The following SREBF2 variants were observed in gnomAD, a reference collection of about 807,000 sequenced individuals.
SREBF2 encodes the protein sterol regulatory element binding transcription factor 2, also known as sterol regulatory element-binding protein 2.
SREBF2 carries 55 observed loss-of-function variants against 113.1 expected under a neutral mutation model. The observed-to-expected ratio is 0.49, with a 90% CI of 0.39 to 0.61. SREBF2 has a LOEUF of 0.61. Among genes scored for constraint, SREBF2 ranks in the 20% least tolerant of loss-of-function variants. SREBF2 has a pLI of 0.00. For synonymous variants in SREBF2, 593 were observed against 605.7 expected, an observed-to-expected ratio of 0.98 and a Z score of 0.31; for missense variants, 1,349 against 1,487.4, an observed-to-expected ratio of 0.91 and a Z score of 1.53.
intron 14 of SREBF2, among the ~76,000 whole-genome samples, chr22:41,898,438 C>T (rs1318097917): frequency 1.3e-5 from 2 of 152,182 alleles, no homozygotes; most frequent in African/African-American, 4.8e-5. Context: ...ATTTTTAAGG[C>T]TCTTGATATA....
intron 18 of SREBF2, 117 bp downstream of exon 18, chr22:41,905,091 C>A: frequency 9.9e-7 from 1 of 1,010,132 alleles, no homozygotes; most frequent in Non-Finnish European, 1.5e-6. Context: ...ACACCTCTCG[C>A]CTCTCTGAGA....
At chr22:41,869,069 T>C (rs2077114596) in intron 3 of SREBF2, among the ~76,000 whole-genome samples, 1 of 152,196 alleles carries the variant, frequency 6.6e-6, no homozygotes, top group African/African-American at 2.4e-5. Flanking sequence ...ATTTCCCAGA[T>C]AATTTTCTTT....
chr22:41,872,212 T>A (rs529566038), intron 4 of SREBF2, among the ~76,000 whole-genome samples: 1 of 147,284 alleles, frequency 6.8e-6, no homozygotes, highest in African/African-American at 2.5e-5. Flanking sequence ...ATTGCGCCAC[T>A]GCACTCCAGC....
At chr22:41,903,924 CG>C (rs1177714436) in intron 17 of SREBF2, among the ~76,000 whole-genome samples, 4 of 152,204 alleles carry the variant, frequency 2.6e-5, no homozygotes, top group Admixed American at 2.6e-4. Flanking sequence ...ACAGTATCAT[CG>C]GAGAGCCATT....
Position 41,903,145 on chromosome 22 carries a change from C to T in SREBF2, c.3083C>T (p.Ala1028Val), listed in dbSNP as rs2148422185. ...AGGCTGGCACACAGCTTCCGCCCAG[C>T]ATACCGCAAGGTGAGGCCCAGCTGG... ...LRRLAHSFRP[A>V]YRKVFLHEAT... Residue 1028 changes from alanine (A) to valine (V), a missense_variant, in exon 17 of 19, where the codon GCA (alanine) becomes GTA (valine). Coordinates refer to ENST00000361204, the MANE Select transcript of SREBF2 (RefSeq NM_004599.4). 1 of 1,552,846 alleles carries T rather than the reference C, an allele frequency of 6.4e-7. No individual in the cohort carries two copies. Among genetic ancestry groups the T allele is most frequent in the Non-Finnish European group, 8.7e-7 (1 of 1,148,466 alleles).
At chr22:41,905,366 G>A in intron 18 of SREBF2, 74 bp from the exon 19 acceptor site, 2 of 1,383,148 alleles carry the variant, frequency 1.4e-6, no homozygotes, top group Admixed American at 2.0e-5. Flanking sequence ...CAGTGAATGA[G>A]TCCAGGTAAC....
At position 41,874,189 on chromosome 22, in the gene SREBF2, A is replaced by G. The variant is rs1173545891; in HGVS notation, c.1089+170A>G. On this transcript the variant is annotated intron_variant, in intron 5 of 18. Transcript: ENST00000361204. ...TCATGTCAAGATTATAAAATATTAAAAAACATAAGGGACTGGTGAGGGTTG... is the reference window on the plus strand; with the variant it reads ...TCATGTCAAGATTATAAAATATTAAGAAACATAAGGGACTGGTGAGGGTTG... Among the ~76,000 whole-genome samples the G allele has an allele frequency of 3.9e-5, 6 of 152,270 alleles. No homozygotes were observed. In the South Asian group the frequency reaches 1.0e-3, roughly 26 times the overall value.
intron 11 of SREBF2, 96 bp from the exon 12 acceptor site, chr22:41,893,021 A>G (rs1176324314): frequency 1.2e-5 from 18 of 1,467,878 alleles, no homozygotes; most frequent in Admixed American, 1.7e-5. Flanking sequence ...GTCTCCCCCA[A>G]AGCCCACCTC....
intron 10 of SREBF2, among the ~76,000 whole-genome samples, chr22:41,883,435 A>C (rs2077268758): frequency 6.6e-6 from 1 of 152,178 alleles, no homozygotes; most frequent in Admixed American, 6.5e-5. Flanking sequence ...CCCTATCTGC[A>C]AATTTGCCCC....
rs1321579166 is a variant in SREBF2 at position 41,900,445 on chromosome 22, C to T, written c.2854C>T (p.Leu952=). 1 of 1,613,904 alleles carries T rather than the reference C, an allele frequency of 6.2e-7. No homozygotes were observed. The highest frequency in any genetic ancestry group is 8.5e-7 in the Non-Finnish European group (1 of 1,180,040). The part of the protein sequence containing the change: ...FCHCERASGH[L]WSSLNVSGAT... ...CCATTGCGAGAGGGCCAGTGGCCAC[C>T]TATGGAGCAGCCTCAACGTCAGTGG... The change falls in exon 16 of 19, where the codon CTA becomes TTA. Residue 952 remains leucine, a synonymous_variant. Transcript: ENST00000361204.
chr22:41,833,587 A>G lies in SREBF2; in HGVS notation c.88+229A>G, dbSNP rs988964341. ...GGGATCTGGGGCGCCGCGGGGCCGA[A>G]AGCGGCGCGAGGGTCGCGGGTTCCA... On this transcript the variant is annotated intron_variant, in intron 1 of 18. Coordinates refer to ENST00000361204, the MANE Select transcript of SREBF2 (RefSeq NM_004599.4). This position sits in a 1 kb window ranked among gnomAD's most constrained non-coding sequence, Gnocchi z 4.1. 4.8e-6 allele frequency: 2 copies of G among 417,606 alleles called. No individual in the cohort carries two copies. Among genetic ancestry groups the G allele is most frequent in the African/African-American group, 2.1e-5 (1 of 47,570 alleles). The allele number at this position is 417,606 out of a possible 1,614,324, so 25.9% of individuals were successfully genotyped here.
At chr22:41,863,961 T>C (rs1439227869) in intron 1 of SREBF2, among the ~76,000 whole-genome samples, 3 of 151,682 alleles carry the variant, frequency 2.0e-5, no homozygotes, top group African/African-American at 7.3e-5. Context: ...CTCGGCTTAC[T>C]GCAACCTCTG....
chr22:41,875,242 A>G, intron 5 of SREBF2, 95 bp from the exon 6 acceptor site: 1 of 1,034,300 alleles, frequency 9.7e-7, no homozygotes, highest in Non-Finnish European at 1.5e-6. Context: ...CTCCTCTCAC[A>G]GAGCCATGCT....
At chr22:41,841,219 G>A (rs1224921072) in intron 1 of SREBF2, among the ~76,000 whole-genome samples, 1 of 152,170 alleles carries the variant, frequency 6.6e-6, no homozygotes, top group Non-Finnish European at 1.5e-5. Context: ...AGGGAGGGAT[G>A]CTTTGGAAAA....
chr22:41,875,491 G>A lies in SREBF2; in HGVS notation c.1204+40G>A, dbSNP rs115419898. The stretch of plus-strand genomic sequence containing the variant: ...AAAAGGCTTGTCAGCCCTGGCCCAG[G>A]TGGGGCTTTGTAAAAGCAGATCATT... On this transcript the variant is annotated intron_variant, in intron 6 of 18. Transcript: ENST00000361204. 4.6e-4 allele frequency: 746 copies of A among 1,614,236 alleles called. 5 individuals are homozygous for A. The African/African-American group carries it at 8.8e-3, about 19-fold the overall frequency.
Position 41,898,794 on chromosome 22 carries a change from C to T in SREBF2, c.2738+13C>T, listed in dbSNP as rs373317232. ...TGGAAGTGACAGAGTGCGTAACCCTCCTTGGCCACTCACTTGCTTCTCTCC... is the reference window on the plus strand; with the variant it reads ...TGGAAGTGACAGAGTGCGTAACCCTTCTTGGCCACTCACTTGCTTCTCTCC... On this transcript the variant is annotated intron_variant, in intron 15 of 18. Transcript: ENST00000361204. 1.9e-5 allele frequency: 30 copies of T among 1,613,674 alleles called. No individual in the cohort carries two copies. In the African/African-American group the frequency reaches 3.9e-4, roughly 21 times the overall value.
At chr22:41,864,863 G>A (rs2077061023) in intron 1 of SREBF2, among the ~76,000 whole-genome samples, 1 of 152,136 alleles carries the variant, frequency 6.6e-6, no homozygotes, top group Non-Finnish European at 1.5e-5. Context: ...TGATGTGGAA[G>A]GATCGCTTGA....
chr22:41,894,775 C>T lies in SREBF2; in HGVS notation c.2378-45C>T, dbSNP rs1330543366. 4.6e-6 allele frequency: 7 copies of T among 1,535,420 alleles called. No homozygotes were observed. In the East Asian group the frequency reaches 6.7e-5, roughly 15 times the overall value. On this transcript the variant is annotated intron_variant, in intron 12 of 18. Transcript: ENST00000361204. ...TCTCTCCGTAAAGACAAAGTGGGCT[C>T]ATAAATGAGCTCCATTTAACCCCCC... is the stretch of plus-strand genomic sequence containing the variant.
chr22:41,874,179 A>G (rs1556046074), intron 5 of SREBF2, among the ~76,000 whole-genome samples, 160 bp downstream of exon 5: 2 of 152,178 alleles, frequency 1.3e-5, no homozygotes, highest in Non-Finnish European at 2.9e-5. Flanking sequence ...TCAAGATTAT[A>G]AAATATTAAA....
Sources: gnomAD v4.1 joint callset for allele counts (sites outside exome capture counted in the v4.1 genomes callset) on GRCh38, gnomAD v4.1.1 for gene constraint, Gnocchi (gnomAD v3.1) non-coding constraint, MANE v1.5 for transcripts, NCBI Gene and HGNC (gene_info 2026-07-23, HGNC 2026-07-21) for gene names.